Variants in BCAR1 observed in about 807,000 individuals in gnomAD.
BCAR1 encodes the protein BCAR1 scaffold protein, Cas family member, also known as breast cancer anti-estrogen resistance protein 1.
A neutral mutation model predicts 67.6 loss-of-function variants in BCAR1; 30 were observed. That is an observed-to-expected ratio of 0.44 (90% CI 0.33 to 0.60). The LOEUF is 0.60. Among genes scored for constraint, BCAR1 ranks in the 20% least tolerant of loss-of-function variants. The pLI, the probability that BCAR1 is intolerant of heterozygous loss-of-function variation, is 0.02. For synonymous variants in BCAR1, 626 were observed against 556.7 expected (o/e 1.12, Z -1.75); for missense variants, 1,313 against 1,222.3 (o/e 1.07, Z -1.11).
At chr16:75,233,979 G>A (rs572875666) in intron 5 of BCAR1, 44 bp from the exon 6 acceptor site, 1 of 1,547,504 alleles carries the variant, frequency 6.5e-7, no homozygotes, top group African/African-American at 1.4e-5. Flanking sequence ...AGTTTTCTGA[G>A]CCAGAAGCAC....
intron 2 of BCAR1, chr16:75,239,201 G>T: frequency 1.2e-6 from 1 of 805,904 alleles, no homozygotes; most frequent in Non-Finnish European, 1.5e-6. Flanking sequence ...CCACCCTGCT[G>T]CACACCTGAG....
At chr16:75,233,989 C>T (rs1171619911) in intron 5 of BCAR1, 54 bp from the exon 6 acceptor site, 2 of 1,525,952 alleles carry the variant, frequency 1.3e-6, no homozygotes, top group Non-Finnish European at 1.8e-6. Flanking sequence ...GCCAGAAGCA[C>T]AGGCCAGCCC....
intron 4 of BCAR1, chr16:75,236,471 T>C: frequency 3.0e-6 from 1 of 330,356 alleles, no homozygotes; most frequent in African/African-American, 2.1e-5. Flanking sequence ...GTGAACTTTC[T>C]ACTCTGCAGC....
chr16:75,266,677 G>C lies in BCAR1; in HGVS notation c.66+1238C>G. ...GCCAGGCAGGCCTTGCTGATGCCCCGTTACATTTCATAGGCCCAGGCACTG... is the reference window on the plus strand; with the variant it reads ...GCCAGGCAGGCCTTGCTGATGCCCCCTTACATTTCATAGGCCCAGGCACTG... On this transcript the variant is annotated intron_variant, in intron 1 of 6. Transcript: ENST00000393422. 3.8e-6 allele frequency: 5 copies of C among 1,302,810 alleles called. No individual in the cohort carries two copies. In the South Asian group the frequency reaches 1.1e-4, roughly 28 times the overall value. The allele number at this position is 1,302,810 out of a possible 1,614,324, so 80.7% of individuals were successfully genotyped here.
At position 75,235,302 on chromosome 16, in the gene BCAR1, A is replaced by C. The variant is rs775818234; in HGVS notation, c.1597T>G (p.Ser533Ala). The change falls in exon 5 of 7, where the codon TCT (serine) becomes GCT (alanine). Residue 533 changes from serine (S) to alanine (A), a missense_variant. Coordinates refer to ENST00000162330, the MANE Select transcript of BCAR1 (RefSeq NM_014567.5). ...AGCTTGGCATGCAGGGCACGGTCAG[A>C]TGTGTGGGCAGCATTGCCCACCGCG... ...RSAVGNAAHT[S>A]DRALHAKLSR... 12 of 1,605,480 alleles carry C rather than the reference A, an allele frequency of 7.5e-6. No individual in the cohort carries two copies. Among genetic ancestry groups the C allele is most frequent in the Middle Eastern group, 3.3e-4 (2 of 6,048 alleles).
chr16:75,263,449 C>A, intron 1 of BCAR1: 3 of 985,312 alleles, frequency 3.0e-6, no homozygotes, highest in Non-Finnish European at 2.4e-6. Flanking sequence ...GAGCACTGCA[C>A]TGCTCTATGC....
chr16:75,233,889 C>T lies in BCAR1; in HGVS notation c.2057G>A (p.Gly686Asp). ...EKTQKELLEKGSITRQGKSQL... is the reference protein window; with the variant it reads ...EKTQKELLEKDSITRQGKSQL... ...GCTCTTGCCCTGCCGCGTGATGCTGCCCTTTTCCAGCAGCTCCTTCTGGGT... is the reference window on the plus strand; with the variant it reads ...GCTCTTGCCCTGCCGCGTGATGCTGTCCTTTTCCAGCAGCTCCTTCTGGGT... Residue 686 changes from glycine (G) to aspartate (D), a missense_variant, in exon 6 of 7, where the codon GGC becomes GAC. Physicochemically the swap from Gly to Asp is moderately conservative, Grantham distance 94 (BLOSUM62 -1). Around this residue, in one of 2 missense-constraint regions of BCAR1, gnomAD observed 1,272 missense variants for 1,137.5 expected, o/e 1.12. Transcript: ENST00000162330. The T allele has an allele frequency of 6.2e-7, 1 of 1,610,854 alleles. No homozygotes were observed. Among genetic ancestry groups the T allele is most frequent in the Non-Finnish European group, 8.5e-7 (1 of 1,178,742 alleles).
At chr16:75,231,935 G>A (rs1410200368) in intron 6 of BCAR1, among the ~76,000 whole-genome samples, 1 of 152,260 alleles carries the variant, frequency 6.6e-6, no homozygotes, top group African/African-American at 2.4e-5. Flanking sequence ...AGGCTAGAGT[G>A]CAGTGGTGCG....
chr16:75,265,785 G>C lies in BCAR1; in HGVS notation c.66+2130C>G, dbSNP rs539705690. The stretch of plus-strand genomic sequence containing the variant: ...GCGGGGCGAGGTCGCAGCCGGGCGG[G>C]GGACAGCCGGCCCGGGGTCCCGGGC... On this transcript the variant is annotated intron_variant, in intron 1 of 6. Transcript: ENST00000393422. 380 of 1,197,740 alleles carry C rather than the reference G, an allele frequency of 3.2e-4. 2 individuals are homozygous for C. The African/African-American group carries it at 5.6e-3, about 18-fold the overall frequency. The allele number at this position is 1,197,740 out of a possible 1,614,324, so 74.2% of individuals were successfully genotyped here. A position where few individuals can be genotyped will look rare whatever the true frequency, so the allele number is the denominator to read the frequency against.
chr16:75,261,528 G>A (rs1306603179), intron 1 of BCAR1, among the ~76,000 whole-genome samples: 8 of 152,256 alleles, frequency 5.3e-5, no homozygotes, highest in Admixed American at 1.3e-4. Context: ...CCACTGCAGC[G>A]GCTCCCACGG....
chr16:75,229,844 G>T lies in BCAR1; in HGVS notation c.2280C>A (p.Asn760Lys), dbSNP rs371417209. The change falls in exon 7 of 7, where the codon AAC becomes AAA. Residue 760 changes from asparagine (N) to lysine (K), a missense_variant. Around this residue, in one of 2 missense-constraint regions of BCAR1, gnomAD observed 1,272 missense variants for 1,137.5 expected, o/e 1.12. Coordinates refer to ENST00000162330, the MANE Select transcript of BCAR1 (RefSeq NM_014567.5). ...CGGCGGTAAAGAAGGCGTCCACGGC[G>T]TTGGTCAGTGTGGTCAGGTTGGCCT... ...QCEANLTTLT[N>K]AVDAFFTAVA... 43 of 1,613,266 alleles carry T rather than the reference G, an allele frequency of 2.7e-5. No homozygotes were observed. Among genetic ancestry groups the T allele is most frequent in the Non-Finnish European group, 3.6e-5 (42 of 1,180,004 alleles).
rs372508406 is a variant in BCAR1, at chr16:75,245,798, G to A, written c.13-2708C>T. On this transcript the variant is annotated intron_variant, in intron 1 of 6. Transcript: ENST00000162330. ...AGCTGGCCAGGGCCCCCGCCTCTCC[G>A]GGCCTCTCTGCCTCCTGTTCTGTTC... Among the ~76,000 whole-genome samples, 11 of 152,158 alleles carry A rather than the reference G, an allele frequency of 7.2e-5. No homozygotes were observed. In the South Asian group the frequency reaches 1.0e-3, roughly 14 times the overall value.
At chr16:75,237,664 G>A (rs2077188562) in intron 2 of BCAR1, among the ~76,000 whole-genome samples, 1 of 152,210 alleles carries the variant, frequency 6.6e-6, no homozygotes, top group African/African-American at 2.4e-5. Context: ...CACCGGTGGG[G>A]TGAGGGGCTG....
chr16:75,264,041 A>C, intron 1 of BCAR1: 1 of 1,225,882 alleles, frequency 8.2e-7, no homozygotes. Context: ...ACTACAAGGG[A>C]GAGGGTAGGA....
intron 4 of BCAR1, 71 bp downstream of exon 4, chr16:75,236,811 C>G: frequency 6.5e-7 from 1 of 1,549,214 alleles, no homozygotes; most frequent in Non-Finnish European, 8.7e-7. Context: ...CACTGGTCAG[C>G]ACCCCTGTGC....
chr16:75,256,516 G>A (rs192932114), upstream of BCAR1, among the ~76,000 whole-genome samples: 1 of 90,048 alleles, frequency 1.1e-5, no homozygotes, highest in Admixed American at 1.3e-4. Flanking sequence ...AGCACGGATG[G>A]GGGGGGGTGG....
At chr16:75,253,531 A>C (rs1004030368), upstream of BCAR1, among the ~76,000 whole-genome samples, 1 of 152,178 alleles carries the variant, frequency 6.6e-6, no homozygotes, top group African/African-American at 2.4e-5. Flanking sequence ...CTCCTCCCCC[A>C]GTAGCTGCAT....
chr16:75,263,245 T>A (rs1597290664), intron 1 of BCAR1: 1 of 985,196 alleles, frequency 1.0e-6, no homozygotes, highest in Non-Finnish European at 1.2e-6. Context: ...GCTGGCCTCT[T>A]ACCTGGCAGG....
Position 75,242,673 on chromosome 16 carries a change from G to A in BCAR1, c.430C>T (p.Gln144Ter). ...SPQFQSPPAK[Q>*]TSTFSKQTPH... ...GTCTGCTTCGAGAAGGTGGATGTCT[G>A]CTTGGCTGGGGGAGACTGGAACTGA... The change falls in exon 2 of 7, where the codon CAG becomes TAG. Residue 144 changes from glutamine (Q) to a stop codon, truncating the protein, a stop_gained. Transcript: ENST00000162330. LOFTEE classifies it high-confidence loss of function. 2 of 1,532,442 alleles carry A rather than the reference G, an allele frequency of 1.3e-6. No individual in the cohort carries two copies. The highest frequency in any genetic ancestry group is 1.8e-6 in the Non-Finnish European group (2 of 1,141,520). The allele number at this position is 1,532,442 out of a possible 1,614,324, so 94.9% of individuals were successfully genotyped here. A position where few individuals can be genotyped will look rare whatever the true frequency, so the allele number is the denominator to read the frequency against.
Sources: gnomAD v4.1 joint callset for allele counts (sites outside exome capture counted in the v4.1 genomes callset) on GRCh38, gnomAD v4.1.1 for gene constraint, gnomAD v4.1.1 regional missense constraint, MANE v1.5 for transcripts, NCBI Gene and HGNC (gene_info 2026-07-23, HGNC 2026-07-21) for gene names.